The following PLD5 variants were observed in gnomAD, a reference collection of about 807,000 sequenced individuals.
PLD5 encodes the protein phospholipase D family member 5.
Under a neutral mutation model 61.1 loss-of-function variants are expected in PLD5, and 36 were observed. The ratio of observed to expected loss-of-function variants is 0.59; its 90% CI spans 0.45 to 0.78. The LOEUF (loss-of-function observed/expected upper bound fraction) is 0.78, where lower values mean the gene tolerates loss of function less well. Among genes scored for constraint, PLD5 ranks in the 30% least tolerant of loss-of-function variants. The probability of loss-of-function intolerance (pLI) is 0.00; values close to 1 mark genes in which losing one functional copy is unlikely to be tolerated. For synonymous variants in PLD5, 243 were observed against 242.8 expected (o/e 1.00, Z -0.01); for missense variants, 515 against 644.4 (o/e 0.80, Z 2.17).
At chr1:242,140,226 A>G (rs943505142) in intron 5 of PLD5, among the ~76,000 whole-genome samples, 8 of 152,258 alleles carry the variant, frequency 5.3e-5, no homozygotes, top group African/African-American at 1.9e-4. Context: ...AATCCTACAT[A>G]GATAACCCCT....
intron 5 of PLD5, among the ~76,000 whole-genome samples, chr1:242,143,184 C>A (rs575738465): frequency 6.6e-6 from 1 of 152,046 alleles, no homozygotes; most frequent in Admixed American, 6.5e-5. Flanking sequence ...CCTGCCACGA[C>A]GCCAGCTATG....
At chr1:242,394,446 GTA>G (rs1321208713) in intron 1 of PLD5, among the ~76,000 whole-genome samples, 5 of 96,460 alleles carry the variant, frequency 5.2e-5, no homozygotes, top group Non-Finnish European at 7.8e-5. Flanking sequence ...ATATATGTGT[GTA>G]TATGAGTATA....
intron 1 of PLD5, among the ~76,000 whole-genome samples, chr1:242,434,437 C>T (rs981627534): frequency 2.0e-5 from 3 of 152,096 alleles, no homozygotes; most frequent in African/African-American, 7.2e-5. Flanking sequence ...ATATGCCTAG[C>T]AGAGTTCCAA....
chr1:242,275,543 C>T (rs1383649717), intron 3 of PLD5, among the ~76,000 whole-genome samples: 1 of 152,138 alleles, frequency 6.6e-6, no homozygotes, highest in Non-Finnish European at 1.5e-5. Context: ...TCATTCAAAG[C>T]ATTTATTTAC....
chr1:242,477,824 A>G (rs1503792), intron 1 of PLD5, among the ~76,000 whole-genome samples: 103,093 of 152,014 alleles, frequency 0.68, 35,828 homozygotes, highest in African/African-American at 0.83. Context: ...AAGAAATGGC[A>G]GCGGTCTGAA....
At chr1:242,174,340 C>A (rs1434229591) in intron 5 of PLD5, among the ~76,000 whole-genome samples, 1 of 152,210 alleles carries the variant, frequency 6.6e-6, no homozygotes, top group Non-Finnish European at 1.5e-5. Context: ...AAATCAAAAC[C>A]ACAATGGGAT....
At chr1:242,259,869 C>T (rs1449046381) in intron 4 of PLD5, among the ~76,000 whole-genome samples, 1 of 152,032 alleles carries the variant, frequency 6.6e-6, no homozygotes. Flanking sequence ...CTATAACATA[C>T]AAGAATTAAA....
chr1:242,150,158 G>A (rs10926625), intron 5 of PLD5, among the ~76,000 whole-genome samples: 17,086 of 151,476 alleles, frequency 0.11, 1,426 homozygotes, highest in East Asian at 0.36. Context: ...TTCACAGATT[G>A]TATTCATTAT....
chr1:242,524,336 C>T lies in PLD5; in HGVS notation c.-60G>A. On this transcript the variant is annotated 5_prime_UTR_variant, in exon 1 of 10. Coordinates refer to ENST00000536534, the MANE Select transcript of PLD5 (RefSeq NM_001372062.1). ...GACTCGGGACGGGCGCGCGGGGAGC[C>T]GGGCGCGGAGGGCGAGCGGGAGGCC... 1.5e-6 allele frequency: 2 copies of T among 1,341,490 alleles called. No individual in the cohort carries two copies. Among genetic ancestry groups the T allele is most frequent in the Non-Finnish European group, 1.9e-6 (2 of 1,051,302 alleles). 83.1% of individuals were successfully genotyped at this position (1,341,490 alleles called of 1,614,324 possible). A position where few individuals can be genotyped will look rare whatever the true frequency, so the allele number is the denominator to read the frequency against.
At chr1:242,129,264 CT>C (rs1663047888) in intron 5 of PLD5, among the ~76,000 whole-genome samples, 1 of 152,216 alleles carries the variant, frequency 6.6e-6, no homozygotes, top group African/African-American at 2.4e-5. Context: ...TCATTCCATT[CT>C]GTGGCTACAT....
chr1:242,206,583 T>C (rs1249136585), intron 5 of PLD5, among the ~76,000 whole-genome samples: 1 of 152,210 alleles, frequency 6.6e-6, no homozygotes, highest in Non-Finnish European at 1.5e-5. Flanking sequence ...ATATTTTGCA[T>C]GTACTGTGTA....
At chr1:242,158,498 C>T (rs1665569055) in intron 5 of PLD5, among the ~76,000 whole-genome samples, 1 of 152,088 alleles carries the variant, frequency 6.6e-6, no homozygotes, top group East Asian at 1.9e-4. Context: ...CATGGGAAAA[C>T]CACAGTATCT....
intron 5 of PLD5, among the ~76,000 whole-genome samples, chr1:242,142,673 A>T (rs143693137): frequency 5.9e-5 from 9 of 152,040 alleles, no homozygotes; most frequent in African/African-American, 2.2e-4. Context: ...CCTCTGGATC[A>T]TGCGTGGAGT....
chr1:242,198,736 CATT>C (rs142734773), intron 5 of PLD5, among the ~76,000 whole-genome samples: 2 of 146,696 alleles, frequency 1.4e-5, no homozygotes, highest in African/African-American at 5.1e-5. Flanking sequence ...TAAAATATCT[CATT>C]ATTATTATTA....
intron 9 of PLD5, among the ~76,000 whole-genome samples, chr1:242,092,151 G>A (rs1659884425): frequency 1.3e-5 from 2 of 151,886 alleles, no homozygotes; most frequent in African/African-American, 4.8e-5. Flanking sequence ...TTTAGAGGCA[G>A]GATCTCTCTC....
At chr1:242,292,858 A>G (rs1675445662) in intron 2 of PLD5, among the ~76,000 whole-genome samples, 1 of 152,170 alleles carries the variant, frequency 6.6e-6, no homozygotes, top group Admixed American at 6.5e-5. Context: ...CTTATTATAA[A>G]TGTATTTCTA....
chr1:242,089,505 C>T lies in PLD5; in HGVS notation c.*349G>A. 1 of 487,258 alleles carries T rather than the reference C, an allele frequency of 2.1e-6. No homozygotes were observed. The highest frequency in any genetic ancestry group is 2.0e-5 in the African/African-American group (1 of 51,268). 30.2% of individuals were successfully genotyped at this position (487,258 alleles called of 1,614,324 possible). A position where few individuals can be genotyped will look rare whatever the true frequency, so the allele number is the denominator to read the frequency against. ...CAGTTCTCAGAATGGTGTTAAAGAG[C>T]CCACCTCATGCTAAGCTTCCTAACA... is the stretch of plus-strand genomic sequence containing the variant. On this transcript the variant is annotated 3_prime_UTR_variant, in exon 10 of 10. Coordinates refer to ENST00000536534, the MANE Select transcript of PLD5 (RefSeq NM_001372062.1).
intron 5 of PLD5, among the ~76,000 whole-genome samples, chr1:242,182,799 C>T (rs1275661871): frequency 1.3e-5 from 2 of 152,108 alleles, no homozygotes; most frequent in Non-Finnish European, 1.5e-5. Flanking sequence ...GGCAAGATCG[C>T]GCCACTGCAC....
intron 1 of PLD5, among the ~76,000 whole-genome samples, chr1:242,520,348 T>C (rs74326555): frequency 0.015 from 2,266 of 152,284 alleles, 66 homozygotes; most frequent in African/African-American, 0.053. Flanking sequence ...TCCGAGTCTC[T>C]GACATTTGGA....
Sources: gnomAD v4.1 joint callset for allele counts (sites outside exome capture counted in the v4.1 genomes callset) on GRCh38, gnomAD v4.1.1 for gene constraint, MANE v1.5 for transcripts, NCBI Gene and HGNC (gene_info 2026-07-23, HGNC 2026-07-21) for gene names.